The following LATS2 variants were observed in gnomAD, a reference collection of about 807,000 sequenced individuals.
LATS2 encodes serine/threonine-protein kinase LATS2.
A neutral mutation model predicts 76.0 loss-of-function variants in LATS2; 24 were observed. The ratio of observed to expected loss-of-function variants is 0.32; its 90% CI spans 0.23 to 0.44. The LOEUF is 0.44. LATS2 is among the 20% of genes least tolerant of loss of function. The pLI, the probability that LATS2 is intolerant of heterozygous loss-of-function variation, is 1.00. For synonymous variants in LATS2, 692 were observed against 635.4 expected, an observed-to-expected ratio of 1.09 and a Z score of -1.34; for missense variants, 1,286 against 1,481.2, an observed-to-expected ratio of 0.87 and a Z score of 2.16.
In LATS2 at chr13:20,988,451, C is replaced by A. The variant is rs774100473; in HGVS notation, c.1329G>T (p.Pro443=). 6.8e-7 allele frequency: 1 copy of A among 1,479,664 alleles called. No individual in the cohort carries two copies. The highest frequency in any genetic ancestry group is 1.2e-5 in the South Asian group (1 of 81,968). 91.7% of individuals were successfully genotyped at this position (1,479,664 alleles called of 1,614,324 possible). A position where few individuals can be genotyped will look rare whatever the true frequency, so the allele number is the denominator to read the frequency against. The stretch of plus-strand genomic sequence containing the variant: ...GCCTCAGCACACGCACGCTCTTCAC[C>A]GGGTGCAAGATGTGCGCGGCCGTGA... ...TAVTAAHILH[P]VKSVRVLRPE... Residue 443 remains proline (P), a synonymous_variant, in exon 4 of 8, where the codon CCG becomes CCT. Coordinates refer to ENST00000382592, the MANE Select transcript of LATS2 (RefSeq NM_014572.3).
intron 2 of LATS2, among the ~76,000 whole-genome samples, chr13:21,000,082 TA>T (rs1187695577): frequency 6.6e-6 from 1 of 151,548 alleles, no homozygotes; most frequent in Admixed American, 6.6e-5. Context: ...CAAAATAAAA[TA>T]AAAAATTATA....
intron 1 of LATS2, among the ~76,000 whole-genome samples, chr13:21,054,088 A>C (rs933454749): frequency 6.6e-6 from 1 of 152,230 alleles, no homozygotes; most frequent in African/African-American, 2.4e-5. Context: ...ATTTTTAAAA[A>C]TGGGGAAAAA....
intron 1 of LATS2, among the ~76,000 whole-genome samples, chr13:21,061,009 C>T (rs968718852): frequency 9.5e-5 from 14 of 148,064 alleles, no homozygotes; most frequent in Admixed American, 3.3e-4. Context: ...CGCCGGGATC[C>T]CGGCCGCCCC....
chr13:20,977,344 C>T (rs1869666904), intron 7 of LATS2, among the ~76,000 whole-genome samples: 1 of 151,030 alleles, frequency 6.6e-6, no homozygotes, highest in Admixed American at 6.6e-5. Context: ...CAAGATTGTG[C>T]CACTGCACTG....
intron 2 of LATS2, among the ~76,000 whole-genome samples, chr13:21,029,085 C>T (rs2138375769): frequency 6.6e-6 from 1 of 152,108 alleles, no homozygotes; most frequent in Non-Finnish European, 1.5e-5. Flanking sequence ...TTTCTTTTTT[C>T]TTTCCTTACT....
At chr13:21,012,791 C>A (rs1002636713) in intron 2 of LATS2, among the ~76,000 whole-genome samples, 18 of 151,950 alleles carry the variant, frequency 1.2e-4, no homozygotes, top group African/African-American at 3.9e-4. Flanking sequence ...TCACACCCCC[C>A]CCCCACCTCC....
intron 2 of LATS2, among the ~76,000 whole-genome samples, chr13:21,012,632 G>A (rs1871637687): frequency 6.6e-6 from 1 of 152,146 alleles, no homozygotes; most frequent in Non-Finnish European, 1.5e-5. Flanking sequence ...CCTAGAAAAT[G>A]CTATTCATGG....
chr13:21,014,956 G>A (rs1871744569), intron 2 of LATS2, among the ~76,000 whole-genome samples: 1 of 152,232 alleles, frequency 6.6e-6, no homozygotes, highest in East Asian at 1.9e-4. Flanking sequence ...GCAGGTTGAT[G>A]AGCCTCAACT....
rs995431170 is a variant in LATS2 at position 20,988,106 on chromosome 13, G to A, written c.1674C>T (p.Arg558=). 1.9e-6 allele frequency: 3 copies of A among 1,614,104 alleles called. No homozygotes were observed. Among genetic ancestry groups the A allele is most frequent in the African/African-American group, 1.3e-5 (1 of 74,946 alleles). Residue 558 remains arginine, a synonymous_variant, in exon 4 of 8, where the codon CGC becomes CGT. Coordinates refer to ENST00000382592, the MANE Select transcript of LATS2 (RefSeq NM_014572.3). ...PNEPEGGDKS[R]KSAKGDKGGK... is the part of the protein sequence containing the mutation. ...CGCCTTTGTCCCCCTTGGCGCTTTT[G>A]CGGCTCTTGTCGCCGCCCTCGGGCT...
At position 20,981,550 on chromosome 13, in the gene LATS2, C is replaced by A. The variant is rs2138270859; in HGVS notation, c.2581G>T (p.Ala861Ser). 1 of 1,614,158 alleles carries A rather than the reference C, an allele frequency of 6.2e-7. No individual in the cohort carries two copies. ...AGGCACCTCTGGTGCTGCTTCCGCG[C>A]CCTCTGCTCTAGGGTCTTCAGCCTG... ...GDRLKTLEQRARKQHQRCLAH... is the reference protein window; with the variant it reads ...GDRLKTLEQRSRKQHQRCLAH... The change falls in exon 6 of 8, where the codon GCG (alanine) becomes TCG (serine). Residue 861 changes from alanine (A) to serine (S), a missense_variant. Transcript: ENST00000382592.
chr13:21,043,492 T>A (rs1872958251), intron 2 of LATS2, among the ~76,000 whole-genome samples: 1 of 152,210 alleles, frequency 6.6e-6, no homozygotes, highest in African/African-American at 2.4e-5. Context: ...ACATTTTTTA[T>A]CTAGGCCAAG....
intron 4 of LATS2, among the ~76,000 whole-genome samples, chr13:20,985,073 T>C (rs757040672): frequency 2.0e-5 from 3 of 152,126 alleles, no homozygotes; most frequent in African/African-American, 4.8e-5. Context: ...CTGGGAAAAC[T>C]AGATATCCAT....
At chr13:21,007,450 T>C (rs1871299848) in intron 2 of LATS2, among the ~76,000 whole-genome samples, 1 of 141,830 alleles carries the variant, frequency 7.1e-6, no homozygotes, top group Non-Finnish European at 1.5e-5. Flanking sequence ...ACTGAGAAGA[T>C]ATAAGGAGGC....
intron 2 of LATS2, among the ~76,000 whole-genome samples, chr13:21,025,684 T>G (rs534056591): frequency 1.3e-5 from 2 of 152,220 alleles, no homozygotes; most frequent in African/African-American, 4.8e-5. Context: ...TGCCTGACAC[T>G]GCTCACAACA....
At chr13:21,002,747 C>G (rs1461206447) in intron 2 of LATS2, among the ~76,000 whole-genome samples, 1 of 152,060 alleles carries the variant, frequency 6.6e-6, no homozygotes, top group South Asian at 2.1e-4. Context: ...GGCTGAAGTA[C>G]AGTGGTGCAA....
rs1474822346 is a variant in LATS2, at chr13:20,988,574, C to T, written c.1206G>A (p.Val402=). The T allele has an allele frequency of 2.5e-6, 4 of 1,587,356 alleles. No homozygotes were observed. Among genetic ancestry groups the T allele is most frequent in the Non-Finnish European group, 3.4e-6 (4 of 1,174,906 alleles). Residue 402 remains valine (V), a synonymous_variant, in exon 4 of 8, where the codon GTG becomes GTA. Transcript: ENST00000382592. Reference sequence around the variant, plus strand: ...TGTTGAAGGAGTTGGTCCTGCTGGGCACTGGGCAGTCAGGCCGGAAGGCCA... The same window carrying T: ...TGTTGAAGGAGTTGGTCCTGCTGGGTACTGGGCAGTCAGGCCGGAAGGCCA... The part of the protein sequence containing the change: ...AHVAFRPDCP[V]PSRTNSFNSH...
At position 21,045,551 on chromosome 13, in the gene LATS2, TG is replaced by T; in HGVS notation, c.342+133del. ...GTTCAATTATGTGTTAAAAGGGCCT[TG>T]GGTTTTTAACCTAGAAACACTTGTA... On this transcript the variant is annotated intron_variant, in intron 2 of 7. Coordinates refer to ENST00000382592, the MANE Select transcript of LATS2 (RefSeq NM_014572.3). The T allele has an allele frequency of 7.8e-6, 5 of 641,588 alleles. No homozygotes were observed. In the South Asian group the frequency reaches 1.1e-4, roughly 14 times the overall value. The allele number at this position is 641,588 out of a possible 1,614,324, so 39.7% of individuals were successfully genotyped here. A position where few individuals can be genotyped will look rare whatever the true frequency, so the allele number is the denominator to read the frequency against.
At chr13:21,011,845 C>T (rs573049) in intron 2 of LATS2, among the ~76,000 whole-genome samples, 2 of 152,216 alleles carry the variant, frequency 1.3e-5, no homozygotes, top group African/African-American at 4.8e-5. Flanking sequence ...GCTACAGCCC[C>T]CTACACACCT....
intron 6 of LATS2, 38 bp downstream of exon 6, chr13:20,981,425 AAGG>A: frequency 6.3e-7 from 1 of 1,577,218 alleles, no homozygotes; most frequent in Non-Finnish European, 8.6e-7. Context: ...GTCTGAAGGG[AAGG>A]AGACCTCCTG....
Sources: allele counts gnomAD v4.1 joint callset (sites outside exome capture counted in the v4.1 genomes callset), GRCh38; gene constraint gnomAD v4.1.1; transcripts MANE v1.5; gene names NCBI Gene and HGNC (gene_info 2026-07-23, HGNC 2026-07-21).